SIRPA: variants seen among roughly 807,000 people sequenced by gnomAD.
The protein encoded by SIRPA is signal regulatory protein alpha, also known as tyrosine-protein phosphatase non-receptor type substrate 1.
In SIRPA, 9 loss-of-function variants were observed where a neutral mutation model predicts 50.3. That is an observed-to-expected ratio of 0.18 (90% CI 0.11 to 0.31). The LOEUF is 0.31. Among genes scored for constraint, SIRPA ranks in the 10% least tolerant of loss-of-function variants. The pLI is 1.00. For missense variants in SIRPA, 474 were observed against 661.6 expected (o/e 0.72, Z 3.11); for synonymous variants, 265 against 284.1 (o/e 0.93, Z 0.68).
At chr20:1,929,506 G>A (rs1222651901) in intron 6 of SIRPA, among the ~76,000 whole-genome samples, 1 of 152,178 alleles carries the variant, frequency 6.6e-6, no homozygotes, top group African/African-American at 2.4e-5. Flanking sequence ...AGGCAAAGCA[G>A]TTGCATATAG....
intron 4 of SIRPA, among the ~76,000 whole-genome samples, chr20:1,923,363 T>G (rs1166664862): frequency 6.6e-6 from 1 of 152,252 alleles, no homozygotes; most frequent in Non-Finnish European, 1.5e-5. Context: ...CTGTTATCAA[T>G]GTGGCTGATG....
intron 2 of SIRPA, among the ~76,000 whole-genome samples, chr20:1,919,107 G>A (rs754839356): frequency 2.9e-4 from 44 of 152,244 alleles, no homozygotes; most frequent in Non-Finnish European, 6.5e-4. Context: ...CTGAAGCCAT[G>A]CAACCTCAGA....
At chr20:1,920,759 A>T (rs1312892947) in intron 2 of SIRPA, among the ~76,000 whole-genome samples, 1 of 152,228 alleles carries the variant, frequency 6.6e-6, no homozygotes, top group Non-Finnish European at 1.5e-5. Flanking sequence ...TTTGGATATG[A>T]ATAAAGTCTG....
chr20:1,895,407 A>G lies in SIRPA; in HGVS notation c.-41A>G, dbSNP rs1255145403. 4 of 1,256,348 alleles carry G rather than the reference A, an allele frequency of 3.2e-6. No individual in the cohort carries two copies. Among genetic ancestry groups the G allele is most frequent in the East Asian group, 6.3e-5 (2 of 31,712 alleles). The allele number at this position is 1,256,348 out of a possible 1,614,324, so 77.8% of individuals were successfully genotyped here. On this transcript the variant is annotated 5_prime_UTR_variant, in exon 1 of 8. Coordinates refer to ENST00000358771, the MANE Select transcript of SIRPA (RefSeq NM_001040023.2). ...CCAGCCTGCTCCCGCCCGAGCGCGC[A>G]CTCACGGCCGCTCTCCCTCCTCGCT...
intron 1 of SIRPA, among the ~76,000 whole-genome samples, chr20:1,896,144 G>A (rs772108988): frequency 2.0e-5 from 3 of 152,172 alleles, no homozygotes; most frequent in Non-Finnish European, 4.4e-5. Flanking sequence ...AAAACACGGT[G>A]GATTGTCCCT....
Position 1,928,349 on chromosome 20 carries a change from A to G in SIRPA, c.1226+450A>G, listed in dbSNP as rs537475965. On this transcript the variant is annotated intron_variant, in intron 6 of 7. Coordinates refer to ENST00000358771, the MANE Select transcript of SIRPA (RefSeq NM_001040023.2). This position sits in a 1 kb window ranked among gnomAD's most constrained non-coding sequence, Gnocchi z 4.9. Reference sequence around the variant, plus strand: ...TAGGATAGAATCTGTGCCCTCTGCAAGCTCACAGCCTGGTCAGAGGCTCAG... The same window carrying G: ...TAGGATAGAATCTGTGCCCTCTGCAGGCTCACAGCCTGGTCAGAGGCTCAG... Among the ~76,000 whole-genome samples the G allele has an allele frequency of 3.9e-5, 6 of 152,298 alleles. No individual in the cohort carries two copies. In the East Asian group the frequency reaches 1.2e-3, roughly 29 times the overall value.
chr20:1,922,639 G>A lies in SIRPA; in HGVS notation c.1081G>A (p.Ala361Thr), dbSNP rs981667353. 5.0e-6 allele frequency: 8 copies of A among 1,611,784 alleles called. No homozygotes were observed. The highest frequency in any genetic ancestry group is 1.7e-5 in the Admixed American group (1 of 59,480). Residue 361 changes from alanine to threonine, a missense_variant, in exon 4 of 8, where the codon GCC (alanine) becomes ACC (threonine). By Grantham distance (58) the Ala-to-Thr change is moderately conservative. Around this residue, in one of 4 missense-constraint regions of SIRPA, gnomAD observed 180 missense variants for 206.7 expected, o/e 0.87. Coordinates refer to ENST00000358771, the MANE Select transcript of SIRPA (RefSeq NM_001040023.2). ...AHPKEQGSNT[A>T]AENTGSNERN... The stretch of plus-strand genomic sequence containing the variant: ...CCCGAAGGAGCAGGGCTCAAATACC[G>A]CCGCTGGTGAGGCCTCTATTTCAGC...
rs1157097905 is a variant in SIRPA at position 1,936,439 on chromosome 20, CAG to C, written c.1267-879_1267-878del. Among the ~76,000 whole-genome samples the C allele has an allele frequency of 1.3e-5, 2 of 152,186 alleles. No individual in the cohort carries two copies. Among genetic ancestry groups the C allele is most frequent in the Non-Finnish European group, 2.9e-5 (2 of 68,036 alleles). On this transcript the variant is annotated intron_variant, in intron 7 of 7. Transcript: ENST00000358771. This position sits in a 1 kb window ranked among gnomAD's most constrained non-coding sequence, Gnocchi z 4.2. ...AGACACTATTATCATCCCCTCTTTA[CAG>C]ATGGAGAAACTGAGGCCCAGAGAGG...
In SIRPA at chr20:1,927,245, C is replaced by T. The variant is rs142334610; in HGVS notation, c.1202-630C>T. On this transcript the variant is annotated intron_variant, in intron 5 of 7. Transcript: ENST00000358771. The surrounding 1 kb of genome is among the most constrained non-coding windows in gnomAD (Gnocchi z 6.5). ...CAGCAAAATGGGAGTCAAACGGCTG[C>T]TGAACCCTGGAGGCTTCTCTGTGGG... Among the ~76,000 whole-genome samples the T allele has an allele frequency of 2.2e-3, 341 of 152,342 alleles. 3 individuals carry two copies. The highest frequency in any genetic ancestry group is 7.9e-3 in the African/African-American group (330 of 41,576).
chr20:1,937,701 G>A lies in SIRPA; in HGVS notation c.*133G>A. 2 of 1,229,968 alleles carry A rather than the reference G, an allele frequency of 1.6e-6. No homozygotes were observed. Among genetic ancestry groups the A allele is most frequent in the South Asian group, 1.5e-5 (1 of 67,048 alleles). The allele number at this position is 1,229,968 out of a possible 1,614,324, so 76.2% of individuals were successfully genotyped here. ...CAGGCTCTGGGACCCAGGGGCCAGG[G>A]TGGCTCTTCTCTCCCCACCCCTCCT... On this transcript the variant is annotated 3_prime_UTR_variant, in exon 8 of 8. Transcript: ENST00000358771. This position sits in a 1 kb window ranked among gnomAD's most constrained non-coding sequence, Gnocchi z 8.3.
chr20:1,908,322 A>G (rs561992853), intron 1 of SIRPA, among the ~76,000 whole-genome samples: 1 of 152,030 alleles, frequency 6.6e-6, no homozygotes, highest in African/African-American at 2.4e-5. Context: ...ACATTTACGC[A>G]TACAGCACTC....
intron 2 of SIRPA, among the ~76,000 whole-genome samples, chr20:1,918,633 C>A (rs1439122300): frequency 2.0e-5 from 3 of 152,034 alleles, no homozygotes; most frequent in African/African-American, 7.2e-5. Flanking sequence ...TATGAGGATG[C>A]AATGAGCCTG....
intron 2 of SIRPA, among the ~76,000 whole-genome samples, chr20:1,920,018 A>G (rs916239517): frequency 3.3e-5 from 5 of 152,172 alleles, no homozygotes; most frequent in African/African-American, 1.2e-4. Flanking sequence ...CCTGCTGCAT[A>G]CCAGGCTCTG....
chr20:1,930,577 T>C (rs1434462167), intron 6 of SIRPA, among the ~76,000 whole-genome samples: 1 of 152,122 alleles, frequency 6.6e-6, no homozygotes, highest in Non-Finnish European at 1.5e-5. Context: ...TTTTTGTTTT[T>C]TTTGTTGTTA....
chr20:1,895,474 C>T lies in SIRPA; in HGVS notation c.27C>T (p.Gly9=). MEPAGPAP[G]RLGPLLCLLL... The stretch of plus-strand genomic sequence containing the variant: ...TGGAGCCCGCCGGCCCGGCCCCCGG[C>T]CGCCTCGGGCCGCTGCTCTGCCTGC... Residue 9 remains glycine (G), a synonymous_variant, in exon 1 of 8, where the codon GGC becomes GGT. Transcript: ENST00000358771. 1.4e-6 allele frequency: 2 copies of T among 1,432,690 alleles called. No individual in the cohort carries two copies. Among genetic ancestry groups the T allele is most frequent in the Non-Finnish European group, 1.8e-6 (2 of 1,099,158 alleles). 88.7% of individuals were successfully genotyped at this position (1,432,690 alleles called of 1,614,324 possible). A position where few individuals can be genotyped will look rare whatever the true frequency, so the allele number is the denominator to read the frequency against.
intron 1 of SIRPA, among the ~76,000 whole-genome samples, chr20:1,910,615 T>A (rs77892370): frequency 0.037 from 5,607 of 152,278 alleles, 148 homozygotes; most frequent in Non-Finnish European, 0.059. Context: ...CAAAACAGAC[T>A]AAATCCCTGG....
chr20:1,925,793 G>A (rs539402119), intron 5 of SIRPA, among the ~76,000 whole-genome samples: 3 of 152,240 alleles, frequency 2.0e-5, no homozygotes, highest in East Asian at 1.9e-4. Context: ...TTCTAGGATC[G>A]CCATAAATAC....
Position 1,934,798 on chromosome 20 carries a change from G to A in SIRPA, c.1266+44G>A, listed in dbSNP as rs373369770. 1.7e-5 allele frequency: 27 copies of A among 1,610,082 alleles called. No individual in the cohort carries two copies. The Admixed American group carries it at 2.3e-4, about 14-fold the overall frequency. ...TGCCCTTCCTGGGAAACTCCGTGGC[G>A]TGGTTGCTTCACATCAACCGGAATT... On this transcript the variant is annotated intron_variant, in intron 7 of 7. Coordinates refer to ENST00000358771, the MANE Select transcript of SIRPA (RefSeq NM_001040023.2). The surrounding 1 kb of genome is among the most constrained non-coding windows in gnomAD (Gnocchi z 4.6).
At chr20:1,912,502 G>A (rs989969929) in intron 1 of SIRPA, among the ~76,000 whole-genome samples, 5 of 152,232 alleles carry the variant, frequency 3.3e-5, no homozygotes, top group Admixed American at 1.3e-4. Context: ...TTTTATCGAT[G>A]ACACTGTGTT....
Sources: allele counts gnomAD v4.1 joint callset (sites outside exome capture counted in the v4.1 genomes callset), GRCh38; gene constraint gnomAD v4.1.1; regional missense constraint gnomAD v4.1.1; non-coding constraint Gnocchi (gnomAD v3.1); transcripts MANE v1.5; gene names NCBI Gene and HGNC (gene_info 2026-07-23, HGNC 2026-07-21).